The following GRM7 variants were observed in gnomAD, a reference collection of about 807,000 sequenced individuals.
GRM7 encodes metabotropic glutamate receptor 7.
A neutral mutation model predicts 84.5 loss-of-function variants in GRM7; 35 were observed. The ratio of observed to expected loss-of-function variants is 0.41; its 90% CI spans 0.32 to 0.55. The LOEUF (loss-of-function observed/expected upper bound fraction) is 0.55. GRM7 is among the 20% of genes least tolerant of loss of function. The pLI, the probability that GRM7 is intolerant of heterozygous loss-of-function variation, is 0.19. For missense variants in GRM7, 1,003 were observed against 1,194.6 expected (o/e 0.84, Z 2.36); for synonymous variants, 487 against 455.1 (o/e 1.07, Z -0.89).
At chr3:7,277,928 A>C (rs2124990236) in intron 2 of GRM7, among the ~76,000 whole-genome samples, 1 of 152,206 alleles carries the variant, frequency 6.6e-6, no homozygotes, top group South Asian at 2.1e-4. Flanking sequence ...ACTAAGTAAT[A>C]ATTGATAATT....
intron 2 of GRM7, among the ~76,000 whole-genome samples, chr3:7,270,180 T>C (rs887505585): frequency 4.6e-5 from 7 of 152,338 alleles, no homozygotes; most frequent in African/African-American, 1.7e-4. Context: ...TCTTAGCATG[T>C]CGTCATTTCT....
intron 2 of GRM7, among the ~76,000 whole-genome samples, chr3:7,233,520 C>T (rs1159698900): frequency 6.6e-6 from 1 of 151,978 alleles, no homozygotes; most frequent in Non-Finnish European, 1.5e-5. Flanking sequence ...TTCTTAAAGC[C>T]TTGAAGCTTA....
chr3:6,946,236 A>G (rs1024132411), intron 1 of GRM7, among the ~76,000 whole-genome samples: 5 of 152,136 alleles, frequency 3.3e-5, no homozygotes, highest in African/African-American at 9.7e-5. Flanking sequence ...TAATTTTTGT[A>G]TAAGGTGTAA....
At chr3:7,290,049 C>G (rs566528662) in intron 2 of GRM7, among the ~76,000 whole-genome samples, 2 of 152,036 alleles carry the variant, frequency 1.3e-5, no homozygotes, top group Non-Finnish European at 2.9e-5. Flanking sequence ...GAAAAGTTAT[C>G]TTATTAGTAT....
intron 1 of GRM7, among the ~76,000 whole-genome samples, chr3:6,954,959 A>G (rs1013003155): frequency 1.1e-4 from 16 of 152,220 alleles, no homozygotes; most frequent in African/African-American, 3.6e-4. Flanking sequence ...TCTCACCAAT[A>G]AAGTGGGGTT....
At chr3:7,625,227 G>A (rs1697553165) in intron 8 of GRM7, among the ~76,000 whole-genome samples, 1 of 152,056 alleles carries the variant, frequency 6.6e-6, no homozygotes, top group Non-Finnish European at 1.5e-5. Context: ...GCAATGCGGT[G>A]GTGCATTTGG....
chr3:7,703,601 A>G (rs1701298375), intron 9 of GRM7, among the ~76,000 whole-genome samples: 1 of 152,184 alleles, frequency 6.6e-6, no homozygotes, highest in Non-Finnish European at 1.5e-5. Context: ...GTGATCTTCC[A>G]TAATATGCTT....
chr3:7,439,957 A>G (rs1268881195), intron 5 of GRM7, among the ~76,000 whole-genome samples: 4 of 152,124 alleles, frequency 2.6e-5, no homozygotes, highest in African/African-American at 9.7e-5. Context: ...TCCAGGTTTT[A>G]GTTAAGGAAG....
At position 6,894,972 on chromosome 3, in the gene GRM7, A is replaced by G. The variant is rs114036860; in HGVS notation, c.519+33065A>G. ...TTTGTTGGGACATTGCTTTGATCCT[A>G]TAACAAGTAACAATTTCATAATCTG... On this transcript the variant is annotated intron_variant, in intron 1 of 9. Coordinates refer to ENST00000357716, the MANE Select transcript of GRM7 (RefSeq NM_000844.4). 3.1e-3 allele frequency among the ~76,000 whole-genome samples: 474 copies of G among 152,298 alleles called. 7 individuals are homozygous for G. Among genetic ancestry groups the G allele is most frequent in the African/African-American group, 0.011 (457 of 41,580 alleles).
At chr3:6,904,266 A>C (rs1016712745) in intron 1 of GRM7, among the ~76,000 whole-genome samples, 1 of 152,158 alleles carries the variant, frequency 6.6e-6, no homozygotes, top group Non-Finnish European at 1.5e-5. Flanking sequence ...TTTAGATATT[A>C]AACTAATTGA....
At chr3:7,037,292 T>C (rs1295312061) in intron 1 of GRM7, among the ~76,000 whole-genome samples, 2 of 152,202 alleles carry the variant, frequency 1.3e-5, no homozygotes, top group South Asian at 2.1e-4. Flanking sequence ...GTGGCTTTTG[T>C]CGTTACTTTT....
intron 8 of GRM7, among the ~76,000 whole-genome samples, chr3:7,656,704 T>C (rs1699219580): frequency 6.6e-6 from 1 of 151,976 alleles, no homozygotes; most frequent in Non-Finnish European, 1.5e-5. Context: ...ATGGCCCCAC[T>C]TAAAAGTGTC....
chr3:6,971,287 C>T (rs1368214654), intron 1 of GRM7, among the ~76,000 whole-genome samples: 1 of 152,052 alleles, frequency 6.6e-6, no homozygotes, highest in Non-Finnish European at 1.5e-5. Flanking sequence ...AAGTCAACAA[C>T]TAGCTGAATA....
chr3:7,069,015 T>C (rs1257820672), intron 1 of GRM7, among the ~76,000 whole-genome samples: 1 of 151,518 alleles, frequency 6.6e-6, no homozygotes, highest in East Asian at 1.9e-4. Flanking sequence ...AATATCAGCC[T>C]AAGGCTTGTT....
At chr3:7,358,850 G>T (rs904562021) in intron 4 of GRM7, among the ~76,000 whole-genome samples, 2 of 152,000 alleles carry the variant, frequency 1.3e-5, no homozygotes, top group African/African-American at 4.8e-5. Flanking sequence ...GGGCACAGTG[G>T]CTCACGCCTA....
intron 1 of GRM7, among the ~76,000 whole-genome samples, chr3:6,988,143 G>C (rs775128277): frequency 9.4e-5 from 14 of 148,960 alleles, no homozygotes; most frequent in Non-Finnish European, 1.6e-4. Context: ...ACTACAGGCG[G>C]CCACCATCAC....
chr3:7,618,756 G>T (rs1034536199), intron 8 of GRM7, among the ~76,000 whole-genome samples: 1 of 152,118 alleles, frequency 6.6e-6, no homozygotes, highest in Non-Finnish European at 1.5e-5. Flanking sequence ...CACTCCTTTA[G>T]GAGAACACAC....
At chr3:7,584,632 A>G (rs1182507189) in intron 8 of GRM7, among the ~76,000 whole-genome samples, 1 of 152,176 alleles carries the variant, frequency 6.6e-6, no homozygotes, top group Non-Finnish European at 1.5e-5. Context: ...TGAGTGCGAA[A>G]AGCAGCTAGA....
intron 2 of GRM7, among the ~76,000 whole-genome samples, chr3:7,224,573 A>G (rs1575052964): frequency 6.6e-6 from 1 of 152,278 alleles, no homozygotes; most frequent in East Asian, 1.9e-4. Context: ...TTTAGGTCCT[A>G]TTTAAGAAAT....
Sources: allele counts gnomAD v4.1 joint callset (sites outside exome capture counted in the v4.1 genomes callset), GRCh38; gene constraint gnomAD v4.1.1; transcripts MANE v1.5; gene names NCBI Gene and HGNC (gene_info 2026-07-23, HGNC 2026-07-21).